Variants in SLC43A1 observed in about 807,000 individuals in gnomAD.
SLC43A1 encodes solute carrier family 43 member 1, also known as large neutral amino acids transporter small subunit 3.
A neutral mutation model predicts 59.5 loss-of-function variants in SLC43A1; 31 were observed. The observed-to-expected ratio is 0.52, with a 90% CI of 0.39 to 0.70. The LOEUF is 0.70. Among genes scored for constraint, SLC43A1 ranks in the 30% least tolerant of loss-of-function variants. The pLI is 0.00. For synonymous variants in SLC43A1, 259 were observed against 290.9 expected (o/e 0.89, Z 1.12); for missense variants, 598 against 717.8 (o/e 0.83, Z 1.91).
intron 2 of SLC43A1, among the ~76,000 whole-genome samples, chr11:57,511,947 CAG>C (rs1488624207): frequency 1.3e-5 from 2 of 152,088 alleles, no homozygotes; most frequent in Non-Finnish European, 2.9e-5. Flanking sequence ...GCTAATGGTA[CAG>C]AGTTACTTTT....
At chr11:57,509,702 G>T in intron 2 of SLC43A1, among the ~76,000 whole-genome samples, 1 of 117,042 alleles carries the variant, frequency 8.5e-6, no homozygotes, top group South Asian at 3.6e-4. Context: ...GGGAGGGAGG[G>T]AGAGAGGGAG....
At chr11:57,488,724 C>T (rs1209848763) in intron 13 of SLC43A1, among the ~76,000 whole-genome samples, 192 bp downstream of exon 13, 1 of 152,198 alleles carries the variant, frequency 6.6e-6, no homozygotes, top group Non-Finnish European at 1.5e-5. Flanking sequence ...TCAGCTTCCT[C>T]TAAGGGAAGA....
rs753476282 is a variant in SLC43A1 at position 57,491,846 on chromosome 11, G to A, written c.888C>T (p.Arg296=). 3.1e-6 allele frequency: 5 copies of A among 1,614,140 alleles called. No individual in the cohort carries two copies. Among genetic ancestry groups the A allele is most frequent in the Non-Finnish European group, 4.2e-6 (5 of 1,180,030 alleles). ...GGAAAGTGGGGGAGCAGAGGCTCTT[G>A]CGTAAGGGGACAGACCCTGGGGAGA... The part of the protein sequence containing the change: ...ENLPERSVPL[R]KSLCSPTFLW... The change falls in exon 9 of 15, where the codon CGC becomes CGT. Residue 296 remains arginine, a synonymous_variant. Transcript: ENST00000278426.
Position 57,514,169 on chromosome 11 carries a change from C to T in SLC43A1, c.-13-45G>A. 9.9e-6 allele frequency: 15 copies of T among 1,518,126 alleles called. 1 individual carries two copies. In the African/African-American group the frequency reaches 1.1e-4, roughly 11 times the overall value. 94.0% of individuals were successfully genotyped at this position (1,518,126 alleles called of 1,614,324 possible). On this transcript the variant is annotated intron_variant, in intron 1 of 14. Transcript: ENST00000278426. The surrounding 1 kb of genome is among the most constrained non-coding windows in gnomAD (Gnocchi z 5.5). ...TGGGTGAAGGGCCCCCCAGTGGCCC[C>T]AGGGAAGGGTCCTGCATCATGGTGG...
chr11:57,497,546 A>G (rs1169718375), intron 6 of SLC43A1, among the ~76,000 whole-genome samples: 1 of 152,250 alleles, frequency 6.6e-6, no homozygotes, highest in African/African-American at 2.4e-5. Context: ...CGTGAGTGAC[A>G]GAGTACAGAG....
chr11:57,493,905 C>G, intron 8 of SLC43A1, 88 bp downstream of exon 8: 3 of 1,327,108 alleles, frequency 2.3e-6, no homozygotes, highest in Non-Finnish European at 3.1e-6. Flanking sequence ...AAGAGGGGTG[C>G]GAATAAATAC....
At chr11:57,503,578 C>G (rs765546465) in intron 2 of SLC43A1, among the ~76,000 whole-genome samples, 6 of 152,128 alleles carry the variant, frequency 3.9e-5, no homozygotes, top group Non-Finnish European at 7.3e-5. Context: ...CTGCCTGGGC[C>G]TCCCAAAGTG....
intron 5 of SLC43A1, 39 bp downstream of exon 5, chr11:57,500,740 G>A (rs780208866): frequency 4.4e-6 from 7 of 1,593,496 alleles, no homozygotes; most frequent in East Asian, 2.2e-5. Flanking sequence ...CACCCCACTC[G>A]GGGGAACTCT....
At position 57,497,760 on chromosome 11, in the gene SLC43A1, C is replaced by T. The variant is rs772283266; in HGVS notation, c.551G>A (p.Gly184Glu). The change falls in exon 6 of 15, where the codon GGA becomes GAA. Residue 184 changes from glycine to glutamate, a missense_variant. Physicochemically the swap from Gly to Glu is moderately conservative, Grantham distance 98. Transcript: ENST00000278426. ...ACCCAGGTGGCCTCATACCTTGATT[C>T]CTGGGAACGTAATGGCAGAAGAGGC... ...SYASSAITFP[G>E]IKLIYDAGVA... 6.2e-7 allele frequency: 1 copy of T among 1,613,194 alleles called. No homozygotes were observed.
Position 57,496,043 on chromosome 11 carries a change from T to G in SLC43A1, c.680A>C (p.Glu227Ala). 1 of 1,613,990 alleles carries G rather than the reference T, an allele frequency of 6.2e-7. No individual in the cohort carries two copies. Among genetic ancestry groups the G allele is most frequent in the Non-Finnish European group, 8.5e-7 (1 of 1,179,952 alleles). Residue 227 changes from glutamate (E) to alanine (A), a missense_variant, in exon 7 of 15, where the codon GAA becomes GCA. Physicochemically the swap from Glu to Ala is moderately radical, Grantham distance 107 (BLOSUM62 -1). Transcript: ENST00000278426. ...WPIEAFPAPE[E>A]VNYTKKIKLS... The stretch of plus-strand genomic sequence containing the variant: ...TCCAGCCACTCACGTGTAATTGACT[T>G]CCTCAGGGGCAGGAAAGGCTTCGAT...
At chr11:57,513,905 C>A in intron 2 of SLC43A1, 53 bp downstream of exon 2, 1 of 1,435,702 alleles carries the variant, frequency 7.0e-7, no homozygotes, top group South Asian at 1.2e-5. Context: ...TGGCTTCCAC[C>A]TGCCCCTTTG....
intron 2 of SLC43A1, among the ~76,000 whole-genome samples, chr11:57,505,606 G>A (rs188695806): frequency 7.2e-5 from 11 of 152,212 alleles, no homozygotes; most frequent in African/African-American, 1.9e-4. Context: ...TATGTATAAC[G>A]TGTGGGGGTG....
chr11:57,511,998 G>A lies in SLC43A1; in HGVS notation c.154+1960C>T, dbSNP rs1202614482. 3.9e-5 allele frequency among the ~76,000 whole-genome samples: 6 copies of A among 152,230 alleles called. No homozygotes were observed. The East Asian group carries it at 1.2e-3, about 29-fold the overall frequency. On this transcript the variant is annotated intron_variant, in intron 2 of 14. Transcript: ENST00000278426. ...CTGTTCTGAAATGGACTCTGGTGAT[G>A]GTTGCACTACTCTGAACATACTAAA...
chr11:57,495,832 C>T (rs1944065537), intron 7 of SLC43A1, among the ~76,000 whole-genome samples, 199 bp downstream of exon 7: 1 of 151,852 alleles, frequency 6.6e-6, no homozygotes, highest in African/African-American at 2.4e-5. Context: ...TCTAAACAAA[C>T]AAACAAACAA....
At position 57,514,279 on chromosome 11, in the gene SLC43A1, G is replaced by A; in HGVS notation, c.-13-155C>T. The A allele has an allele frequency of 1.2e-6, 1 of 851,250 alleles. No individual in the cohort carries two copies. Among genetic ancestry groups the A allele is most frequent in the Non-Finnish European group, 1.8e-6 (1 of 568,780 alleles). 52.7% of individuals were successfully genotyped at this position (851,250 alleles called of 1,614,324 possible). A position where few individuals can be genotyped will look rare whatever the true frequency, so the allele number is the denominator to read the frequency against. On this transcript the variant is annotated intron_variant, in intron 1 of 14. Transcript: ENST00000278426. This position sits in a 1 kb window ranked among gnomAD's most constrained non-coding sequence, Gnocchi z 5.5. ...TGGGCTTCCCAGCCGGTGCCAAGGAGCTGGCTCCGCGCGCACTAGCAGTGC... is the reference window on the plus strand; with the variant it reads ...TGGGCTTCCCAGCCGGTGCCAAGGAACTGGCTCCGCGCGCACTAGCAGTGC...
At chr11:57,512,802 C>G (rs1485119190) in intron 2 of SLC43A1, among the ~76,000 whole-genome samples, 3 of 152,072 alleles carry the variant, frequency 2.0e-5, no homozygotes, top group African/African-American at 7.2e-5. Context: ...GGCCAGGAGG[C>G]ATGGGAGAGT....
At chr11:57,497,469 C>G (rs1944120423) in intron 6 of SLC43A1, among the ~76,000 whole-genome samples, 1 of 152,242 alleles carries the variant, frequency 6.6e-6, no homozygotes, top group South Asian at 2.1e-4. Context: ...GTAGGTGAAG[C>G]TAAACCACTG....
chr11:57,510,994 A>C (rs910505404), intron 2 of SLC43A1, among the ~76,000 whole-genome samples: 7 of 152,200 alleles, frequency 4.6e-5, no homozygotes, highest in Non-Finnish European at 7.3e-5. Context: ...AAAATAAAAA[A>C]AAAATTTTTT....
chr11:57,488,701 C>T (rs900150850), intron 13 of SLC43A1, among the ~76,000 whole-genome samples: 2 of 152,208 alleles, frequency 1.3e-5, no homozygotes, highest in African/African-American at 4.8e-5. Flanking sequence ...AAAGTGTCAT[C>T]AAGCCAGGTA....
Sources: gnomAD v4.1 joint callset for allele counts (sites outside exome capture counted in the v4.1 genomes callset) on GRCh38, gnomAD v4.1.1 for gene constraint, Gnocchi (gnomAD v3.1) non-coding constraint, MANE v1.5 for transcripts, NCBI Gene and HGNC (gene_info 2026-07-23, HGNC 2026-07-21) for gene names.